Variants in GAL3ST2 observed in about 807,000 individuals in gnomAD.
GAL3ST2 encodes galactose-3-O-sulfotransferase 2, also known as beta-galactose-3-O-sulfotransferase 2.
In GAL3ST2, 16 loss-of-function variants were observed where a neutral mutation model predicts 12.9. The observed-to-expected ratio is 1.24, with a 90% CI of 0.84 to 1.88. The LOEUF (loss-of-function observed/expected upper bound fraction) is 1.88. GAL3ST2 is among the 40% of genes most tolerant of loss of function. The pLI is 0.00. For missense variants in GAL3ST2, 639 were observed against 571.8 expected (o/e 1.12, Z -1.20); for synonymous variants, 302 against 273.9 (o/e 1.10, Z -1.01).
rs945005078 is a variant in GAL3ST2 at position 241,800,740 on chromosome 2, G to C, written c.120-1041G>C. ...GGTCAGCGAGGCAGCGTCTGGCAGC[G>C]GGTGAGCTGCACCTGCTTTAACGTT... is the stretch of plus-strand genomic sequence containing the variant. On this transcript the variant is annotated intron_variant, in intron 2 of 3. Coordinates refer to ENST00000192314, the MANE Select transcript of GAL3ST2 (RefSeq NM_022134.3). This position sits in a 1 kb window ranked among gnomAD's most constrained non-coding sequence, Gnocchi z 5.2. 6.6e-6 allele frequency among the ~76,000 whole-genome samples: 1 copy of C among 152,192 alleles called. No homozygotes were observed. The highest frequency in any genetic ancestry group is 1.5e-5 in the Non-Finnish European group (1 of 68,038).
intron 1 of GAL3ST2, among the ~76,000 whole-genome samples, chr2:241,777,944 T>A (rs756641619): frequency 2.6e-5 from 4 of 152,058 alleles, no homozygotes; most frequent in Non-Finnish European, 5.9e-5. Context: ...GGGTGAGACA[T>A]GGGAGGCATT....
At chr2:241,780,752 C>T (rs1010525055) in intron 1 of GAL3ST2, among the ~76,000 whole-genome samples, 11 of 152,186 alleles carry the variant, frequency 7.2e-5, no homozygotes, top group African/African-American at 1.7e-4. Flanking sequence ...AGCCCAGCCA[C>T]GAATTTGTGC....
At position 241,804,061 on chromosome 2, in the gene GAL3ST2, C is replaced by T. The variant is rs1699898948; in HGVS notation, c.1092C>T (p.Gly364=). 1.3e-6 allele frequency: 2 copies of T among 1,554,652 alleles called. No individual in the cohort carries two copies. The highest frequency in any genetic ancestry group is 1.2e-5 in the South Asian group (1 of 83,472). The change falls in exon 4 of 4, where the codon GGC becomes GGT. Residue 364 remains glycine, a synonymous_variant. Coordinates refer to ENST00000192314, the MANE Select transcript of GAL3ST2 (RefSeq NM_022134.3). The part of the protein sequence containing the change: ...LRPGLDNQTL[G]VCQRLVMPEL... ...CGGGCCTGGACAACCAGACGCTGGG[C>T]GTGTGCCAGAGGCTTGTGATGCCTG...
intron 1 of GAL3ST2, among the ~76,000 whole-genome samples, chr2:241,791,128 A>G (rs887288675): frequency 2.0e-5 from 3 of 152,210 alleles, no homozygotes; most frequent in Non-Finnish European, 2.9e-5. Flanking sequence ...CAACTTGGGC[A>G]CATGTTCTGA....
intron 1 of GAL3ST2, among the ~76,000 whole-genome samples, chr2:241,796,833 A>G (rs1699777112): frequency 6.6e-6 from 1 of 152,096 alleles, no homozygotes; most frequent in Non-Finnish European, 1.5e-5. Context: ...ACGTGGGGTC[A>G]GCTAGTGGCT....
At chr2:241,797,139 G>A (rs560116084) in intron 1 of GAL3ST2, among the ~76,000 whole-genome samples, 2 of 152,224 alleles carry the variant, frequency 1.3e-5, no homozygotes, top group African/African-American at 2.4e-5. Context: ...GGTCACAGGC[G>A]TGAGCTGCCG....
chr2:241,804,043 G>C lies in GAL3ST2; in HGVS notation c.1074G>C (p.Leu358=), dbSNP rs766656022. 1.9e-6 allele frequency: 3 copies of C among 1,562,804 alleles called. No homozygotes were observed. Among genetic ancestry groups the C allele is most frequent in the South Asian group, 1.2e-5 (1 of 83,994 alleles). The change falls in exon 4 of 4, where the codon CTG becomes CTC. Residue 358 remains leucine (L), a synonymous_variant. Transcript: ENST00000192314. ...TGGGTTACAACCTCCGGCCGGGCCT[G>C]GACAACCAGACGCTGGGCGTGTGCC... ...DILGYNLRPG[L]DNQTLGVCQR...
chr2:241,803,983 C>T lies in GAL3ST2; in HGVS notation c.1014C>T (p.Arg338=), dbSNP rs1559420068. 6.5e-7 allele frequency: 1 copy of T among 1,549,348 alleles called. No individual in the cohort carries two copies. Among genetic ancestry groups the T allele is most frequent in the Non-Finnish European group, 8.7e-7 (1 of 1,150,912 alleles). ...ACCACACGCAGATCAGAGACCCGCG[C>T]CTGCGCCCCTACCAGTCCGGCAAGG... ...LKNHTQIRDP[R]LRPYQSGKAD... Residue 338 remains arginine (R), a synonymous_variant, in exon 4 of 4, where the codon CGC becomes CGT. Transcript: ENST00000192314.
At chr2:241,788,205 GTTC>G (rs1468817761) in intron 1 of GAL3ST2, among the ~76,000 whole-genome samples, 2 of 152,114 alleles carry the variant, frequency 1.3e-5, no homozygotes, top group East Asian at 1.9e-4. Flanking sequence ...TCATGGGCAG[GTTC>G]TTCTTAGGTC....
intron 1 of GAL3ST2, among the ~76,000 whole-genome samples, chr2:241,792,673 G>T (rs915309266): frequency 6.6e-6 from 1 of 151,930 alleles, no homozygotes; most frequent in Non-Finnish European, 1.5e-5. Flanking sequence ...GAGATCAGAT[G>T]AAACCTGGGA....
rs141334034 is a variant in GAL3ST2, at chr2:241,793,658, ATG to A, written c.30-5399_30-5398del. Among the ~76,000 whole-genome samples the A allele has an allele frequency of 0.022, 3,183 of 147,976 alleles. 181 individuals carry two copies. The highest frequency in any genetic ancestry group is 0.11 in the Admixed American group (1,647 of 15,024). On this transcript the variant is annotated intron_variant, in intron 1 of 3. Coordinates refer to ENST00000192314, the MANE Select transcript of GAL3ST2 (RefSeq NM_022134.3). The surrounding 1 kb of genome is among the most constrained non-coding windows in gnomAD (Gnocchi z 4.7). ...TTGTGTGTACATATTGTGTATGCAT[ATG>A]TGTGTGTATGCACATATTGTGTATG...
At chr2:241,789,621 C>T (rs1273225836) in intron 1 of GAL3ST2, among the ~76,000 whole-genome samples, 1 of 152,186 alleles carries the variant, frequency 6.6e-6, no homozygotes. Context: ...GTGGCTCACG[C>T]CTATAATCCC....
Position 241,803,918 on chromosome 2 carries a change from C to T in GAL3ST2, c.949C>T (p.Leu317Phe). ...VERLRARRRE[L>F]ASLCLQDGGA... The stretch of plus-strand genomic sequence containing the variant: ...GCGGCTGCGCGCCCGGAGGCGCGAA[C>T]TCGCGAGCCTGTGCCTGCAGGACGG... The change falls in exon 4 of 4, where the codon CTC becomes TTC. Residue 317 changes from leucine to phenylalanine, a missense_variant. Leu to Phe is a conservative substitution (Grantham distance 22, BLOSUM62 0). Coordinates refer to ENST00000192314, the MANE Select transcript of GAL3ST2 (RefSeq NM_022134.3). 1 of 1,419,828 alleles carries T rather than the reference C, an allele frequency of 7.0e-7. No individual in the cohort carries two copies. The highest frequency in any genetic ancestry group is 9.1e-7 in the Non-Finnish European group (1 of 1,093,718). 88.0% of individuals were successfully genotyped at this position (1,419,828 alleles called of 1,614,324 possible). A position where few individuals can be genotyped will look rare whatever the true frequency, so the allele number is the denominator to read the frequency against.
In GAL3ST2 at chr2:241,802,049, T is replaced by C; in HGVS notation, c.375+13T>C. 6.2e-7 allele frequency: 1 copy of C among 1,601,524 alleles called. No individual in the cohort carries two copies. The highest frequency in any genetic ancestry group is 1.7e-5 in the Admixed American group (1 of 58,394). On this transcript the variant is annotated intron_variant, in intron 3 of 3. Transcript: ENST00000192314. This position sits in a 1 kb window ranked among gnomAD's most constrained non-coding sequence, Gnocchi z 4.8. ...CAACCTGCCTCAGGTACCGCGGGCC[T>C]GCTGGGGAGGAGGGCGGGCTGCAGC...
At chr2:241,779,546 T>C (rs1238976000) in intron 1 of GAL3ST2, among the ~76,000 whole-genome samples, 2 of 151,372 alleles carry the variant, frequency 1.3e-5, no homozygotes, top group Non-Finnish European at 2.9e-5. Context: ...GGAAGTTCAT[T>C]TTTTAGCAGG....
chr2:241,788,996 T>G (rs969742678), intron 1 of GAL3ST2, among the ~76,000 whole-genome samples: 1 of 152,214 alleles, frequency 6.6e-6, no homozygotes, highest in Admixed American at 6.5e-5. Context: ...GATCCCCTTT[T>G]GAGCACTCTG....
intron 1 of GAL3ST2, among the ~76,000 whole-genome samples, chr2:241,778,902 C>T (rs139890285): frequency 1.1e-4 from 17 of 152,120 alleles, no homozygotes; most frequent in Non-Finnish European, 1.6e-4. Flanking sequence ...TTTTGAGTTT[C>T]TGATGAGCCT....
At chr2:241,787,464 C>CTG in intron 1 of GAL3ST2, among the ~76,000 whole-genome samples, 1 of 151,992 alleles carries the variant, frequency 6.6e-6, no homozygotes, top group Non-Finnish European at 1.5e-5. Context: ...TGTCCGGGAG[C>CTG]ACCCCCTCCA....
chr2:241,803,939 G>C lies in GAL3ST2; in HGVS notation c.970G>C (p.Asp324His). The C allele has an allele frequency of 2.7e-6, 4 of 1,461,232 alleles. No individual in the cohort carries two copies. Among genetic ancestry groups the C allele is most frequent in the South Asian group, 1.4e-5 (1 of 70,174 alleles). 90.5% of individuals were successfully genotyped at this position (1,461,232 alleles called of 1,614,324 possible). The change falls in exon 4 of 4, where the codon GAC becomes CAC. Residue 324 changes from aspartate (D) to histidine (H), a missense_variant. Coordinates refer to ENST00000192314, the MANE Select transcript of GAL3ST2 (RefSeq NM_022134.3). ...RRELASLCLQDGGALKNHTQI... is the reference protein window; with the variant it reads ...RRELASLCLQHGGALKNHTQI... Reference sequence around the variant, plus strand: ...CGAACTCGCGAGCCTGTGCCTGCAGGACGGCGGCGCGCTCAAGAACCACAC... The same window carrying C: ...CGAACTCGCGAGCCTGTGCCTGCAGCACGGCGGCGCGCTCAAGAACCACAC...
Sources: gnomAD v4.1 joint callset for allele counts (sites outside exome capture counted in the v4.1 genomes callset) on GRCh38, gnomAD v4.1.1 for gene constraint, Gnocchi (gnomAD v3.1) non-coding constraint, MANE v1.5 for transcripts, NCBI Gene and HGNC (gene_info 2026-07-23, HGNC 2026-07-21) for gene names.